GALNT14: variants seen among roughly 807,000 people sequenced by gnomAD.
GALNT14 encodes the protein polypeptide N-acetylgalactosaminyltransferase 14.
A neutral mutation model predicts 77.5 loss-of-function variants in GALNT14; 60 were observed. The observed-to-expected ratio is 0.77, with a 90% CI of 0.63 to 0.96. GALNT14 has a LOEUF of 0.96. Among genes scored for constraint, GALNT14 ranks in the 40% least tolerant of loss-of-function variants. The pLI, the probability that GALNT14 is intolerant of heterozygous loss-of-function variation, is 0.00. For synonymous variants in GALNT14, 280 were observed against 281.7 expected, an observed-to-expected ratio of 0.99 and a Z score of 0.06; for missense variants, 710 against 731.0, an observed-to-expected ratio of 0.97 and a Z score of 0.33.
At chr2:31,087,487 G>A (rs1003918778) in intron 1 of GALNT14, among the ~76,000 whole-genome samples, 2 of 151,920 alleles carry the variant, frequency 1.3e-5, no homozygotes, top group African/African-American at 4.8e-5. Flanking sequence ...AAGGAGAGGA[G>A]AAGAGAGGAG....
chr2:31,039,034 G>A (rs368590332), intron 1 of GALNT14, among the ~76,000 whole-genome samples: 12 of 152,226 alleles, frequency 7.9e-5, no homozygotes, highest in South Asian at 4.1e-4. Flanking sequence ...GTGAGCCACC[G>A]TGCCCAGCCA....
intron 6 of GALNT14, among the ~76,000 whole-genome samples, chr2:30,954,127 C>A (rs908846191): frequency 6.6e-6 from 1 of 151,966 alleles, no homozygotes; most frequent in East Asian, 1.9e-4. Flanking sequence ...ACAGAGCAAG[C>A]GGGTTTGTGG....
chr2:31,099,834 T>C (rs1022606191), intron 1 of GALNT14, among the ~76,000 whole-genome samples: 1 of 152,022 alleles, frequency 6.6e-6, no homozygotes, highest in African/African-American at 2.4e-5. Context: ...AGTCACCTCA[T>C]ATGGGTTTTT....
At chr2:31,113,283 T>A (rs1677930551) in intron 1 of GALNT14, among the ~76,000 whole-genome samples, 1 of 152,050 alleles carries the variant, frequency 6.6e-6, no homozygotes, top group Non-Finnish European at 1.5e-5. Context: ...CACACAGGTG[T>A]GGAGTCTAAG....
intron 1 of GALNT14, among the ~76,000 whole-genome samples, chr2:31,088,795 C>T (rs1043548363): frequency 3.3e-5 from 5 of 152,110 alleles, no homozygotes; most frequent in Admixed American, 1.3e-4. Flanking sequence ...GAGGATTTGG[C>T]TGCCTGAAAG....
chr2:31,028,014 A>G (rs1672177677), intron 1 of GALNT14, among the ~76,000 whole-genome samples: 1 of 152,032 alleles, frequency 6.6e-6, no homozygotes, highest in South Asian at 2.1e-4. Flanking sequence ...TAATGAGCAT[A>G]TGTAGTGAGG....
At chr2:30,912,460 G>T in intron 13 of GALNT14, 118 bp from the exon 14 acceptor site, 1 of 1,140,852 alleles carries the variant, frequency 8.8e-7, no homozygotes, top group Non-Finnish European at 1.2e-6. Context: ...AAGGGTCCCA[G>T]TAGGCAATGA....
intron 1 of GALNT14, among the ~76,000 whole-genome samples, chr2:31,045,664 T>C (rs1673405213): frequency 6.6e-6 from 1 of 152,104 alleles, no homozygotes; most frequent in Admixed American, 6.6e-5. Flanking sequence ...GGTTTCACCA[T>C]GTTGGCCAGG....
chr2:31,079,585 C>A (rs1254188492), intron 1 of GALNT14, among the ~76,000 whole-genome samples: 1 of 152,172 alleles, frequency 6.6e-6, no homozygotes, highest in Non-Finnish European at 1.5e-5. Flanking sequence ...TTCTCCTGCC[C>A]AGCCTGCTGC....
chr2:31,004,430 T>C (rs940955502), intron 1 of GALNT14, among the ~76,000 whole-genome samples: 6 of 152,108 alleles, frequency 3.9e-5, no homozygotes, highest in African/African-American at 1.4e-4. Flanking sequence ...AAGCTGGAAG[T>C]GACTCAGAGA....
intron 1 of GALNT14, among the ~76,000 whole-genome samples, chr2:31,052,253 C>A (rs1166224367): frequency 6.6e-6 from 1 of 152,174 alleles, no homozygotes; most frequent in African/African-American, 2.4e-5. Flanking sequence ...CTCCACATGG[C>A]ACCAAGTCCT....
intron 13 of GALNT14, among the ~76,000 whole-genome samples, chr2:30,918,484 T>C (rs1301901506): frequency 6.6e-6 from 1 of 152,228 alleles, no homozygotes; most frequent in South Asian, 2.1e-4. Context: ...GTGTTCACGA[T>C]GGTGACCAGG....
the GALNT14 span, among the ~76,000 whole-genome samples, chr2:30,891,963 CAATAGA>C: frequency 6.6e-6 from 1 of 152,116 alleles, no homozygotes; most frequent in Non-Finnish European, 1.5e-5. Flanking sequence ...GGCAGGAAAC[CAATAGA>C]TTGTTCGCTA....
rs147708596 is a variant in GALNT14, at chr2:31,040,834, G to A, written c.130-47827C>T. Among the ~76,000 whole-genome samples the A allele has an allele frequency of 5.2e-3, 799 of 152,254 alleles. 8 individuals carry two copies. The highest frequency in any genetic ancestry group is 0.019 in the African/African-American group (770 of 41,554). The stretch of plus-strand genomic sequence containing the variant: ...AAATGTGACATTTCTTGCACCCTAC[G>A]GTTGTGGCCTGAAATTCATGCCCAC... On this transcript the variant is annotated intron_variant, in intron 1 of 14. Transcript: ENST00000349752.
chr2:30,942,343 G>C (rs1245297830), intron 8 of GALNT14, 39 bp from the exon 9 acceptor site: 1 of 1,479,384 alleles, frequency 6.8e-7, no homozygotes, highest in Admixed American at 1.7e-5. Flanking sequence ...ATCAGTTCTA[G>C]TGGGGAGATC....
At position 30,942,227 on chromosome 2, in the gene GALNT14, A is replaced by G; in HGVS notation, c.905T>C (p.Met302Thr). The G allele has an allele frequency of 6.2e-7, 1 of 1,614,064 alleles. No individual in the cohort carries two copies. Among genetic ancestry groups the G allele is most frequent in the Non-Finnish European group, 8.5e-7 (1 of 1,179,928 alleles). Reference sequence around the variant, plus strand: ...AAAGTTCTCCCCACCCCAGATGTCCATGTCCATATCATATTTCCCCAGGTA... The same window carrying G: ...AAAGTTCTCCCCACCCCAGATGTCCGTGTCCATATCATATTTCCCCAGGTA... ...FDYLGKYDMD[M>T]DIWGGENFEI... The change falls in exon 9 of 15, where the codon ATG becomes ACG. Residue 302 changes from methionine to threonine, a missense_variant. Met to Thr is a moderately conservative substitution (Grantham distance 81). Coordinates refer to ENST00000349752, the MANE Select transcript of GALNT14 (RefSeq NM_024572.4).
intron 9 of GALNT14, among the ~76,000 whole-genome samples, chr2:30,933,214 C>G (rs1403384642): frequency 6.6e-6 from 1 of 152,090 alleles, no homozygotes; most frequent in Non-Finnish European, 1.5e-5. Context: ...GATAATGTAC[C>G]CCCTAACTGA....
intron 5 of GALNT14, 55 bp from the exon 6 acceptor site, chr2:30,955,794 G>A (rs549875063): frequency 4.3e-6 from 7 of 1,610,106 alleles, no homozygotes; most frequent in African/African-American, 2.7e-5. Context: ...ATTGTCCAGC[G>A]AGACCAGGGA....
At chr2:31,005,848 G>GT (rs1368798447) in intron 1 of GALNT14, among the ~76,000 whole-genome samples, 1 of 152,234 alleles carries the variant, frequency 6.6e-6, no homozygotes, top group Non-Finnish European at 1.5e-5. Context: ...TTTAAGAAGC[G>GT]TAATACATAA....
Sources: gnomAD v4.1 joint callset for allele counts (sites outside exome capture counted in the v4.1 genomes callset) on GRCh38, gnomAD v4.1.1 for gene constraint, MANE v1.5 for transcripts, NCBI Gene and HGNC (gene_info 2026-07-23, HGNC 2026-07-21) for gene names.